PITPNC1: variants seen among roughly 807,000 people sequenced by gnomAD.
The protein encoded by PITPNC1 is cytoplasmic phosphatidylinositol transfer protein 1.
A neutral mutation model predicts 44.7 loss-of-function variants in PITPNC1; 18 were observed. The ratio of observed to expected loss-of-function variants is 0.40; its 90% CI spans 0.28 to 0.60. The LOEUF (loss-of-function observed/expected upper bound fraction) is 0.60, where lower values mean the gene tolerates loss of function less well. Among genes scored for constraint, PITPNC1 ranks in the 20% least tolerant of loss-of-function variants. PITPNC1 has a pLI of 0.39. For missense variants in PITPNC1, 290 were observed against 418.4 expected (o/e 0.69, Z 2.68); for synonymous variants, 141 against 149.6 (o/e 0.94, Z 0.42).
chr17:67,640,544 G>T (rs914622451), intron 6 of PITPNC1, among the ~76,000 whole-genome samples: 3 of 151,860 alleles, frequency 2.0e-5, no homozygotes, highest in Non-Finnish European at 4.4e-5. Context: ...GCCACGTATG[G>T]TGGCGGGCAC....
chr17:67,687,418 A>G (rs192141632), intron 8 of PITPNC1, among the ~76,000 whole-genome samples: 1 of 152,326 alleles, frequency 6.6e-6, no homozygotes, highest in African/African-American at 2.4e-5. Flanking sequence ...TCATAAAACC[A>G]AGAACATGGA....
intron 4 of PITPNC1, among the ~76,000 whole-genome samples, chr17:67,561,691 T>C (rs1216602170): frequency 1.3e-5 from 2 of 152,232 alleles, no homozygotes; most frequent in Non-Finnish European, 2.9e-5. Flanking sequence ...CGTCTGAAAG[T>C]TTCTTACCTG....
intron 5 of PITPNC1, among the ~76,000 whole-genome samples, chr17:67,592,899 A>C (rs2041411383): frequency 6.6e-6 from 1 of 152,178 alleles, no homozygotes; most frequent in Non-Finnish European, 1.5e-5. Flanking sequence ...TTAGCCAGGC[A>C]TGGTGATGTA....
chr17:67,402,201 T>C (rs975472162), intron 1 of PITPNC1, among the ~76,000 whole-genome samples: 2 of 152,244 alleles, frequency 1.3e-5, no homozygotes. Flanking sequence ...TTGTGGACAC[T>C]GAAATTTGAA....
intron 4 of PITPNC1, among the ~76,000 whole-genome samples, chr17:67,563,393 A>G (rs1020756306): frequency 5.9e-5 from 9 of 152,212 alleles, no homozygotes; most frequent in Admixed American, 2.6e-4. Context: ...TGTCTTTTAA[A>G]AGCCTATAAA....
intron 1 of PITPNC1, among the ~76,000 whole-genome samples, chr17:67,476,525 G>T (rs2039632713): frequency 6.6e-6 from 1 of 152,110 alleles, no homozygotes; most frequent in Admixed American, 6.6e-5. Flanking sequence ...CTGCTTGATA[G>T]CAAGAGCTGG....
rs149908918 is a variant in PITPNC1, at chr17:67,519,240, G to A, written c.49-13562G>A. Among the ~76,000 whole-genome samples, 888 of 130,922 alleles carry A rather than the reference G, an allele frequency of 6.8e-3. 8 individuals are homozygous for A. The highest frequency in any genetic ancestry group is 0.024 in the African/African-American group (825 of 34,066). 85.9% of individuals were successfully genotyped at this position (130,922 alleles called of 152,430 possible). On this transcript the variant is annotated intron_variant, in intron 1 of 8. Transcript: ENST00000581322. ...TTCCCAGGCTGGAGTGCAGTGGCACGATCTCAGCTCGCTGCAACTTCCGCC... is the reference window on the plus strand; with the variant it reads ...TTCCCAGGCTGGAGTGCAGTGGCACAATCTCAGCTCGCTGCAACTTCCGCC...
chr17:67,587,024 A>T (rs1425949893), intron 5 of PITPNC1, among the ~76,000 whole-genome samples: 5 of 152,164 alleles, frequency 3.3e-5, no homozygotes, highest in Non-Finnish European at 7.4e-5. Context: ...AATAGGGATG[A>T]TCTCAGGCTT....
intron 1 of PITPNC1, among the ~76,000 whole-genome samples, chr17:67,516,517 G>A (rs938638654): frequency 2.0e-5 from 3 of 152,352 alleles, no homozygotes; most frequent in Middle Eastern, 3.4e-3. Context: ...CTTTTAAGAT[G>A]ACTCTGTCAT....
chr17:67,401,872 A>T (rs2038319853), intron 1 of PITPNC1, among the ~76,000 whole-genome samples: 1 of 151,968 alleles, frequency 6.6e-6, no homozygotes, highest in African/African-American at 2.4e-5. Flanking sequence ...AAGAAAAGAA[A>T]TCTAGATTGT....
At chr17:67,513,652 C>T (rs981891277) in intron 1 of PITPNC1, among the ~76,000 whole-genome samples, 5 of 151,850 alleles carry the variant, frequency 3.3e-5, no homozygotes, top group African/African-American at 4.8e-5. Context: ...GAAGAAGAGA[C>T]GGCTGGAAGG....
intron 1 of PITPNC1, among the ~76,000 whole-genome samples, chr17:67,454,186 G>A (rs1315974099): frequency 6.6e-6 from 1 of 151,934 alleles, no homozygotes; most frequent in Non-Finnish European, 1.5e-5. Flanking sequence ...GGGAGGCAGA[G>A]GTTGCAGTGA....
chr17:67,395,429 G>A (rs2143809050), intron 1 of PITPNC1, among the ~76,000 whole-genome samples: 1 of 152,282 alleles, frequency 6.6e-6, no homozygotes, highest in Admixed American at 6.5e-5. Flanking sequence ...GATTACAGGT[G>A]AGAGCCACCA....
intron 8 of PITPNC1, among the ~76,000 whole-genome samples, chr17:67,686,235 G>C (rs1247525903): frequency 6.7e-6 from 1 of 149,128 alleles, no homozygotes; most frequent in African/African-American, 2.5e-5. Context: ...CCTGTGCATT[G>C]TAGGATGCTC....
At chr17:67,690,246 G>A (rs1567783447) in intron 8 of PITPNC1, among the ~76,000 whole-genome samples, 1 of 152,118 alleles carries the variant, frequency 6.6e-6, no homozygotes, top group South Asian at 2.1e-4. Context: ...TCAGGAGTTC[G>A]AGACCAGCCT....
intron 1 of PITPNC1, among the ~76,000 whole-genome samples, chr17:67,493,716 A>G (rs2039892499): frequency 6.6e-6 from 1 of 152,194 alleles, no homozygotes. Context: ...ATGGTACCTC[A>G]GAGGACTGTT....
intron 1 of PITPNC1, among the ~76,000 whole-genome samples, chr17:67,514,089 C>T (rs1304291865): frequency 6.6e-6 from 1 of 152,084 alleles, no homozygotes; most frequent in Non-Finnish European, 1.5e-5. Flanking sequence ...AGCTTGTTCA[C>T]TGCCGGGCAG....
intron 1 of PITPNC1, among the ~76,000 whole-genome samples, chr17:67,416,436 G>A (rs967583576): frequency 2.6e-5 from 4 of 151,728 alleles, no homozygotes; most frequent in Non-Finnish European, 4.4e-5. Flanking sequence ...GGCTGGTCTC[G>A]AACACCTGAC....
intron 1 of PITPNC1, among the ~76,000 whole-genome samples, chr17:67,436,515 G>A (rs541937297): frequency 2.9e-4 from 44 of 152,194 alleles, no homozygotes; most frequent in Non-Finnish European, 4.7e-4. Flanking sequence ...AGGCCAGGGA[G>A]GGGAAGGAGG....
Sources: gnomAD v4.1 joint callset for allele counts (sites outside exome capture counted in the v4.1 genomes callset) on GRCh38, gnomAD v4.1.1 for gene constraint, MANE v1.5 for transcripts, NCBI Gene and HGNC (gene_info 2026-07-23, HGNC 2026-07-21) for gene names.